Variants in RSPH14 observed in about 807,000 individuals in gnomAD.
RSPH14 encodes radial spoke head 14 homolog, also known as rhabdoid tumor deletion region gene 1.
In RSPH14, 20 loss-of-function variants were observed where a neutral mutation model predicts 26.7. That is an observed-to-expected ratio of 0.75 (90% CI 0.53 to 1.09). The LOEUF is 1.09. RSPH14 is among the 50% of genes least tolerant of loss of function. The probability of loss-of-function intolerance (pLI) is 0.00; values close to 1 mark genes in which losing one functional copy is unlikely to be tolerated. For missense variants in RSPH14, 449 were observed against 457.2 expected (o/e 0.98, Z 0.16); for synonymous variants, 177 against 189.3 (o/e 0.93, Z 0.53).
intron 4 of RSPH14, among the ~76,000 whole-genome samples, chr22:23,129,641 G>A (rs1228327752): frequency 6.6e-6 from 1 of 152,126 alleles, no homozygotes; most frequent in Non-Finnish European, 1.5e-5. Context: ...AACTGCTAAG[G>A]CTGGGCATGG....
intron 4 of RSPH14, among the ~76,000 whole-genome samples, chr22:23,076,251 A>G (rs1271980335): frequency 6.6e-6 from 1 of 152,010 alleles, no homozygotes; most frequent in African/African-American, 2.4e-5. Context: ...CCTGCTCCCT[A>G]TTTGATTCAT....
At chr22:23,062,009 A>G in intron 5 of RSPH14, 64 bp from the exon 6 acceptor site, 2 of 1,595,920 alleles carry the variant, frequency 1.3e-6, no homozygotes, top group South Asian at 2.2e-5. Flanking sequence ...AAGGCCCAGG[A>G]GTGCCCCAGG....
intron 4 of RSPH14, among the ~76,000 whole-genome samples, chr22:23,112,264 G>T (rs1324707509): frequency 6.6e-6 from 1 of 152,230 alleles, no homozygotes; most frequent in African/African-American, 2.4e-5. Flanking sequence ...CCCAGGCCCT[G>T]CCTGGGGGTC....
intron 4 of RSPH14, among the ~76,000 whole-genome samples, chr22:23,128,109 GC>G (rs1472154401): frequency 6.6e-6 from 1 of 152,202 alleles, no homozygotes; most frequent in Admixed American, 6.5e-5. Context: ...TCACAGGTGT[GC>G]CCAGTCAGGA....
chr22:23,110,441 C>T (rs1324459159), intron 4 of RSPH14, among the ~76,000 whole-genome samples: 1 of 152,206 alleles, frequency 6.6e-6, no homozygotes, highest in African/African-American at 2.4e-5. Context: ...GGTGCTCCAG[C>T]CAGGAACAGG....
chr22:23,119,410 T>C (rs1299882238), intron 4 of RSPH14, among the ~76,000 whole-genome samples: 1 of 152,200 alleles, frequency 6.6e-6, no homozygotes, highest in African/African-American at 2.4e-5. Context: ...TTTGTAACCG[T>C]CTGTGGTTCT....
chr22:23,107,767 C>T (rs1427898979), intron 4 of RSPH14, among the ~76,000 whole-genome samples: 2 of 152,190 alleles, frequency 1.3e-5, no homozygotes, highest in Non-Finnish European at 2.9e-5. Flanking sequence ...CATTTTCATT[C>T]ACCAGAATAC....
chr22:23,151,091 C>T, the RSPH14 span, among the ~76,000 whole-genome samples: 1 of 152,218 alleles, frequency 6.6e-6, no homozygotes, highest in African/African-American at 2.4e-5. Flanking sequence ...TGGCTGAGCT[C>T]ACAGGGGTCA....
chr22:23,180,025 C>A, the RSPH14 span: 1 of 366,518 alleles, frequency 2.7e-6, no homozygotes, highest in South Asian at 3.4e-5. Flanking sequence ...GTGCCGGTGA[C>A]GCTTATGGCA....
At chr22:23,069,148 C>A (rs1187633312) in intron 4 of RSPH14, among the ~76,000 whole-genome samples, 1 of 152,218 alleles carries the variant, frequency 6.6e-6, no homozygotes, top group African/African-American at 2.4e-5. Context: ...CAGTGTCCAG[C>A]TGGCAAAGCC....
chr22:23,173,136 T>A, the RSPH14 span, among the ~76,000 whole-genome samples: 2 of 151,966 alleles, frequency 1.3e-5, no homozygotes, highest in South Asian at 2.1e-4. Flanking sequence ...TTCTTTCTTT[T>A]TTTCTTTTTT....
At chr22:23,155,131 AAAAG>A in the RSPH14 span, among the ~76,000 whole-genome samples, 3 of 152,224 alleles carry the variant, frequency 2.0e-5, no homozygotes, top group African/African-American at 7.2e-5. Context: ...ACCTCAAAAA[AAAAG>A]AAAAAAATCA....
the RSPH14 span, among the ~76,000 whole-genome samples, chr22:23,161,254 A>G: frequency 6.6e-6 from 1 of 152,026 alleles, no homozygotes; most frequent in African/African-American, 2.4e-5. Context: ...AGGTCCTCAT[A>G]GCCCAGGCTG....
At chr22:23,153,143 C>T in the RSPH14 span, 1 of 1,609,096 alleles carries the variant, frequency 6.2e-7, no homozygotes, top group Non-Finnish European at 8.5e-7. Flanking sequence ...ATGTAAGTTG[C>T]TGGTTCCCCC....
the RSPH14 span, among the ~76,000 whole-genome samples, chr22:23,154,145 C>T: frequency 2.0e-5 from 3 of 152,134 alleles, no homozygotes; most frequent in Admixed American, 1.3e-4. Flanking sequence ...CCCTCTGCCC[C>T]GGCACCTGGA....
chr22:23,112,578 A>T (rs1335032773), intron 4 of RSPH14, among the ~76,000 whole-genome samples: 1 of 152,088 alleles, frequency 6.6e-6, no homozygotes, highest in East Asian at 1.9e-4. Flanking sequence ...CTCCTGGTGG[A>T]GTCAGGGTGG....
At chr22:23,150,749 GCTTCCC>G in the RSPH14 span, among the ~76,000 whole-genome samples, 2 of 152,042 alleles carry the variant, frequency 1.3e-5, no homozygotes, top group African/African-American at 4.8e-5. Context: ...TAATCCCCTC[GCTTCCC>G]CTTCCCCTTC....
chr22:23,119,382 G>A (rs1202523021), intron 4 of RSPH14, among the ~76,000 whole-genome samples: 3 of 152,192 alleles, frequency 2.0e-5, no homozygotes, highest in Non-Finnish European at 2.9e-5. Flanking sequence ...ATCAACTTCA[G>A]CTGGTCAGGG....
chr22:23,095,487 C>T (rs781124698), intron 4 of RSPH14: 4 of 581,672 alleles, frequency 6.9e-6, no homozygotes, highest in East Asian at 2.9e-5. Flanking sequence ...TGGGGAGGGG[C>T]GGCCACCGCC....
Sources: gnomAD v4.1 joint callset for allele counts (sites outside exome capture counted in the v4.1 genomes callset) on GRCh38, gnomAD v4.1.1 for gene constraint, MANE v1.5 for transcripts, NCBI Gene and HGNC (gene_info 2026-07-23, HGNC 2026-07-21) for gene names.